SLC25A23: variants seen among roughly 807,000 people sequenced by gnomAD.
SLC25A23 encodes the protein solute carrier family 25 member 23.
Under a neutral mutation model 53.9 loss-of-function variants are expected in SLC25A23, and 32 were observed. That is an observed-to-expected ratio of 0.59 (90% confidence interval 0.45 to 0.80). SLC25A23 has a LOEUF of 0.80. Among genes scored for constraint, SLC25A23 ranks in the 30% least tolerant of loss-of-function variants. The pLI is 0.00. For synonymous variants in SLC25A23, 275 were observed against 264.5 expected (o/e 1.04, Z -0.38); for missense variants, 575 against 651.4 (o/e 0.88, Z 1.28).
rs753886444 is a variant in SLC25A23, at chr19:6,454,447, T to A, written c.671A>T (p.Asn224Ile). The A allele has an allele frequency of 1.2e-6, 2 of 1,614,134 alleles. No homozygotes were observed. The highest frequency in any genetic ancestry group is 4.5e-5 in the East Asian group (2 of 44,878). Residue 224 changes from asparagine to isoleucine, a missense_variant, in exon 6 of 10, where the codon AAC becomes ATC. Asn to Ile is a moderately radical substitution (Grantham distance 149, BLOSUM62 -3). Transcript: ENST00000301454. This position sits in a 1 kb window ranked among gnomAD's most constrained non-coding sequence, Gnocchi z 4.3. ...QVHASKTNRL[N>I]ILGGLRSMVL... ...CATGCTTCGAAGCCCCCCAAGGATG[T>A]TCAGCCGGTTGGTCTTTGAGGCATG...
At chr19:6,436,792 C>T (rs12973466), downstream of SLC25A23, among the ~76,000 whole-genome samples, 9 of 150,610 alleles carry the variant, frequency 6.0e-5, no homozygotes, top group Admixed American at 4.6e-4. Flanking sequence ...AGGTGATTCA[C>T]CCGCCTCGGC....
At chr19:6,439,395 TCTCTCACACA>T (rs1441644487), downstream of SLC25A23, among the ~76,000 whole-genome samples, 63 of 129,568 alleles carry the variant, frequency 4.9e-4, no homozygotes, top group Middle Eastern at 3.7e-3. Flanking sequence ...TCTCTCTCTC[TCTCTCACACA>T]CACACACACA....
intron 8 of SLC25A23, among the ~76,000 whole-genome samples, chr19:6,447,398 C>A (rs2092521396): frequency 6.6e-6 from 1 of 151,178 alleles, no homozygotes; most frequent in African/African-American, 2.4e-5. Context: ...GCCTCCTGGG[C>A]TCAGGTGATC....
chr19:6,455,177 T>C (rs1599339792), intron 4 of SLC25A23, among the ~76,000 whole-genome samples: 1 of 152,080 alleles, frequency 6.6e-6, no homozygotes, highest in African/African-American at 2.4e-5. Flanking sequence ...GAGGCCAAGA[T>C]GGGAGGATTG....
In SLC25A23 at chr19:6,441,697, G is replaced by T. The variant is rs2092422883; in HGVS notation, c.*278C>A. The T allele has an allele frequency of 4.2e-6, 2 of 479,046 alleles. No homozygotes were observed. The highest frequency in any genetic ancestry group is 7.6e-6 in the Non-Finnish European group (2 of 262,092). The allele number at this position is 479,046 out of a possible 1,614,324, so 29.7% of individuals were successfully genotyped here. ...GTTAGGGTAGCAGACTTGAGTTGCT[G>T]AAGTAAGGGATCCACAGTTATGGTT... On this transcript the variant is annotated 3_prime_UTR_variant, in exon 10 of 10. Transcript: ENST00000301454.
chr19:6,457,571 C>A lies in SLC25A23; in HGVS notation c.303G>T (p.Glu101Asp). 6.2e-7 allele frequency: 1 copy of A among 1,614,044 alleles called. No homozygotes were observed. The highest frequency in any genetic ancestry group is 1.1e-5 in the South Asian group (1 of 91,082). Residue 101 changes from glutamate (E) to aspartate (D), a missense_variant, in exon 3 of 10, where the codon GAG (glutamate) becomes GAT (aspartate). Transcript: ENST00000301454. ...CCAGAGCTCGGAAACTCTGTTGGATCTCAGAGACATCAATGTGACCTGGGG... is the reference window on the plus strand; with the variant it reads ...CCAGAGCTCGGAAACTCTGTTGGATATCAGAGACATCAATGTGACCTGGGG... The part of the protein sequence containing the change: ...RNQDGHIDVS[E>D]IQQSFRALGI...
chr19:6,448,255 C>T (rs1354042673), intron 8 of SLC25A23, among the ~76,000 whole-genome samples: 1 of 152,178 alleles, frequency 6.6e-6, no homozygotes, highest in Non-Finnish European at 1.5e-5. Context: ...TTGAGCAGGA[C>T]TCAGTGCTGT....
chr19:6,457,948 G>A (rs917996053), intron 2 of SLC25A23, among the ~76,000 whole-genome samples: 3 of 152,134 alleles, frequency 2.0e-5, no homozygotes, highest in Non-Finnish European at 4.4e-5. Context: ...GGGTATCTTT[G>A]CCCCATAGAA....
rs2092723141 is a variant in SLC25A23 at position 6,459,152 on chromosome 19, G to A, written c.156+321C>T. 6.6e-6 allele frequency among the ~76,000 whole-genome samples: 1 copy of A among 152,160 alleles called. No homozygotes were observed. Among genetic ancestry groups the A allele is most frequent in the African/African-American group, 2.4e-5 (1 of 41,444 alleles). On this transcript the variant is annotated intron_variant, in intron 1 of 9. Coordinates refer to ENST00000301454, the MANE Select transcript of SLC25A23 (RefSeq NM_024103.3). This position sits in a 1 kb window ranked among gnomAD's most constrained non-coding sequence, Gnocchi z 4.6. ...TGGAGGTGAGAGCAGGGCACGTCAT[G>A]GGCTGTGCAGTCTGGAGGAGGGTGT...
chr19:6,446,646 C>A (rs1019711269), intron 8 of SLC25A23, among the ~76,000 whole-genome samples: 4 of 152,190 alleles, frequency 2.6e-5, no homozygotes, highest in African/African-American at 7.2e-5. Context: ...CTCTCTGGTG[C>A]AGCATGTCTT....
intron 3 of SLC25A23, 64 bp downstream of exon 3, chr19:6,457,439 C>G: frequency 6.9e-7 from 1 of 1,442,802 alleles, no homozygotes; most frequent in Non-Finnish European, 9.7e-7. Context: ...GCCCAGAAGA[C>G]AGAGATGGCC....
rs775634908 is a variant in SLC25A23 at position 6,454,667 on chromosome 19, T to A, written c.534A>T (p.Gln178His). 1.2e-6 allele frequency: 2 copies of A among 1,614,096 alleles called. No individual in the cohort carries two copies. The highest frequency in any genetic ancestry group is 2.2e-5 in the South Asian group (2 of 91,086). The change falls in exon 5 of 10, where the codon CAA becomes CAT. Residue 178 changes from glutamine to histidine, a missense_variant. By Grantham distance (24) the Gln-to-His change is conservative (BLOSUM62 0). Transcript: ENST00000301454. The surrounding 1 kb of genome is among the most constrained non-coding windows in gnomAD (Gnocchi z 4.3). Reference protein sequence around the residue: ...CLTVPDEFSKQEKLTGMWWKQ... With the variant: ...CLTVPDEFSKHEKLTGMWWKQ... ...TCCACCACATGCCCGTCAGCTTCTCTTGCTTTGAGAACTCGTCCGGCACTG... is the reference window on the plus strand; with the variant it reads ...TCCACCACATGCCCGTCAGCTTCTCATGCTTTGAGAACTCGTCCGGCACTG...
Position 6,452,375 on chromosome 19 carries a change from GCGGTAGAAGGCACGGGGCCC to G in SLC25A23, c.988_1007del (p.Gly330ArgfsTer175). 2 of 1,613,652 alleles carry G rather than the reference GCGGTAGAAGGCACGGGGCCC, an allele frequency of 1.2e-6. No individual in the cohort carries two copies. Among genetic ancestry groups the G allele is most frequent in the Non-Finnish European group, 1.7e-6 (2 of 1,179,866 alleles). On this transcript the variant is annotated frameshift_variant, in exon 8 of 10. Coordinates refer to ENST00000301454, the MANE Select transcript of SLC25A23 (RefSeq NM_024103.3). LOFTEE classifies it high-confidence loss of function. ...TGCCCAGCACGTTGGGGAGGTAGCC[GCGGTAGAAGGCACGGGGCCC>G]CTCCCTCTCCAGGATACGCCTGGCG...
chr19:6,459,414 T>C lies in SLC25A23; in HGVS notation c.156+59A>G, dbSNP rs2092729047. On this transcript the variant is annotated intron_variant, in intron 1 of 9. Transcript: ENST00000301454. This position sits in a 1 kb window ranked among gnomAD's most constrained non-coding sequence, Gnocchi z 4.6. ...GGCTCCGGCCGCCCAGTTCAGGGGC[T>C]TGGGTAACCGGGAGCGGGCGGGGCC... 1.4e-6 allele frequency: 2 copies of C among 1,468,710 alleles called. No individual in the cohort carries two copies. Among genetic ancestry groups the C allele is most frequent in the Non-Finnish European group, 1.8e-6 (2 of 1,104,754 alleles). The allele number at this position is 1,468,710 out of a possible 1,614,324, so 91.0% of individuals were successfully genotyped here. A position where few individuals can be genotyped will look rare whatever the true frequency, so the allele number is the denominator to read the frequency against.
At position 6,441,731 on chromosome 19, in the gene SLC25A23, A is replaced by T; in HGVS notation, c.*244T>A. On this transcript the variant is annotated 3_prime_UTR_variant, in exon 10 of 10. Transcript: ENST00000301454. ...GATCCACAGTTATGGTTACAGGGGG[A>T]TCTGGGATCTAGTGGCTGAAGGGTG... The T allele has an allele frequency of 1.8e-6, 1 of 547,620 alleles. No homozygotes were observed. The highest frequency in any genetic ancestry group is 3.3e-6 in the Non-Finnish European group (1 of 304,234). The allele number at this position is 547,620 out of a possible 1,614,324, so 33.9% of individuals were successfully genotyped here.
At chr19:6,451,245 C>T (rs1485332573) in intron 8 of SLC25A23, among the ~76,000 whole-genome samples, 2 of 151,266 alleles carry the variant, frequency 1.3e-5, no homozygotes, top group Non-Finnish European at 2.9e-5. Flanking sequence ...AAAAATTAGC[C>T]GGGCATGGTG....
At chr19:6,443,744 AGGGGAC>A in intron 9 of SLC25A23, 1 of 592,144 alleles carries the variant, frequency 1.7e-6, no homozygotes, top group Non-Finnish European at 3.1e-6. Context: ...GTAGTGGTGG[AGGGGAC>A]GGGGGGAAAT....
At chr19:6,445,680 A>G (rs1161194593) in intron 8 of SLC25A23, among the ~76,000 whole-genome samples, 1 of 152,190 alleles carries the variant, frequency 6.6e-6, no homozygotes, top group Non-Finnish European at 1.5e-5. Flanking sequence ...GTAAGGATAT[A>G]CATTCGTGTT....
intron 9 of SLC25A23, 32 bp downstream of exon 9, chr19:6,444,118 TC>T (rs748880216): frequency 2.6e-5 from 39 of 1,505,760 alleles, no homozygotes; most frequent in Non-Finnish European, 3.4e-5. Flanking sequence ...GCGATGAGAC[TC>T]CCCCTGCCCC....
Sources: allele counts gnomAD v4.1 joint callset (sites outside exome capture counted in the v4.1 genomes callset), GRCh38; gene constraint gnomAD v4.1.1; non-coding constraint Gnocchi (gnomAD v3.1); transcripts MANE v1.5; gene names NCBI Gene and HGNC (gene_info 2026-07-23, HGNC 2026-07-21).